RBM33: variants seen among roughly 807,000 people sequenced by gnomAD.
RBM33 encodes the protein RNA binding motif protein 33, also known as RNA-binding protein 33.
RBM33 carries 28 observed loss-of-function variants against 132.6 expected under a neutral mutation model. That is an observed-to-expected ratio of 0.21 (90% CI 0.16 to 0.29). The LOEUF is 0.29. Ranked by LOEUF, RBM33 falls within the 10% of genes least tolerant of loss-of-function variation. The pLI, the probability that RBM33 is intolerant of heterozygous loss-of-function variation, is 1.00. For missense variants in RBM33, 1,291 were observed against 1,518.5 expected (o/e 0.85, Z 2.49); for synonymous variants, 634 against 593.0 (o/e 1.07, Z -1.01).
chr7:155,714,599 G>A (rs1184263473), intron 8 of RBM33, among the ~76,000 whole-genome samples: 1 of 152,186 alleles, frequency 6.6e-6, no homozygotes, highest in Non-Finnish European at 1.5e-5. Flanking sequence ...GCAGCAGTTA[G>A]ATCAAGAAGG....
At chr7:155,664,843 A>AT (rs1405002063) in intron 1 of RBM33, among the ~76,000 whole-genome samples, 1 of 151,694 alleles carries the variant, frequency 6.6e-6, no homozygotes, top group Non-Finnish European at 1.5e-5. Context: ...AGCATGTCAC[A>AT]TTTTTTTTCT....
Position 155,680,761 on chromosome 7 carries a change from A to G in RBM33, c.420A>G (p.Gln140=), listed in dbSNP as rs75167605. Residue 140 remains glutamine (Q), a synonymous_variant, in exon 5 of 18, where the codon CAA becomes CAG. Coordinates refer to ENST00000401878, the MANE Select transcript of RBM33 (RefSeq NM_053043.3). ...CTGATGGATCAGAATTGTATACTCA[A>G]GAGTACCCAGAAGAAGGACAGTATG... ...HKSDGSELYT[Q]EYPEEGQYEG... is the part of the protein sequence containing the mutation. 36 of 1,613,734 alleles carry G rather than the reference A, an allele frequency of 2.2e-5. No homozygotes were observed. The highest frequency in any genetic ancestry group is 9.3e-5 in the African/African-American group (7 of 75,042).
chr7:155,735,055 G>GT (rs2117019178), intron 9 of RBM33, among the ~76,000 whole-genome samples: 1 of 152,230 alleles, frequency 6.6e-6, no homozygotes, highest in South Asian at 2.1e-4. Context: ...TGCAAACATC[G>GT]TAAGTTGGAC....
At chr7:155,673,940 G>GTTGTTGTTTGTTTTTTGTTTT in intron 3 of RBM33, among the ~76,000 whole-genome samples, 1 of 54,214 alleles carries the variant, frequency 1.8e-5, no homozygotes, top group Non-Finnish European at 3.2e-5. Context: ...TTTAGGCTTA[G>GTTGTTGTTTGTTTTTTGTTTT]TTTTTTTTTT....
At chr7:155,679,138 C>CT (rs1433425635) in intron 4 of RBM33, among the ~76,000 whole-genome samples, 1 of 152,064 alleles carries the variant, frequency 6.6e-6, no homozygotes, top group African/African-American at 2.4e-5. Context: ...TGCCACTGCA[C>CT]TCCAGCCTGG....
chr7:155,708,418 C>G (rs565241975), intron 7 of RBM33, among the ~76,000 whole-genome samples: 115 of 152,268 alleles, frequency 7.6e-4, no homozygotes, highest in Middle Eastern at 6.8e-3. Flanking sequence ...TGGCCTCTTT[C>G]GGGGCCAAAC....
rs1802562528 is a variant in RBM33 at position 155,775,141 on chromosome 7, C to T, written c.*100C>T. On this transcript the variant is annotated 3_prime_UTR_variant, in exon 18 of 18. Transcript: ENST00000401878. ...AGAACCCCCAGGAGCACAGGTCTCT[C>T]CGGGCCGCTGTCCTGCGTAACTGTT... is the stretch of plus-strand genomic sequence containing the variant. 1 of 1,046,210 alleles carries T rather than the reference C, an allele frequency of 9.6e-7. No homozygotes were observed. The highest frequency in any genetic ancestry group is 1.6e-5 in the African/African-American group (1 of 64,050). The allele number at this position is 1,046,210 out of a possible 1,614,324, so 64.8% of individuals were successfully genotyped here.
At position 155,673,663 on chromosome 7, in the gene RBM33, TATAC is replaced by T. The variant is rs1395674555; in HGVS notation, c.171+754_171+757del. On this transcript the variant is annotated intron_variant, in intron 3 of 17. Coordinates refer to ENST00000401878, the MANE Select transcript of RBM33 (RefSeq NM_053043.3). ...ATACACACGTGTATATATACACACA[TATAC>T]ATACACACGTGTATATATATACACA... Among the ~76,000 whole-genome samples, 7 of 119,992 alleles carry T rather than the reference TATAC, an allele frequency of 5.8e-5. 1 individual carries two copies. Among genetic ancestry groups the T allele is most frequent in the Admixed American group, 4.9e-4 (6 of 12,274 alleles). 78.7% of individuals were successfully genotyped at this position (119,992 alleles called of 152,430 possible).
chr7:155,660,249 G>GT (rs1436048382), intron 1 of RBM33, among the ~76,000 whole-genome samples: 1 of 152,070 alleles, frequency 6.6e-6, no homozygotes, highest in African/African-American at 2.4e-5. Flanking sequence ...AAGTTTTAAA[G>GT]TTTTTTGTAG....
rs754853348 is a variant in RBM33 at position 155,672,861 on chromosome 7, C to T, written c.123-6C>T. 2.6e-6 allele frequency: 4 copies of T among 1,539,054 alleles called. No individual in the cohort carries two copies. Among genetic ancestry groups the T allele is most frequent in the East Asian group, 4.9e-5 (2 of 40,766 alleles). ...TCATTGACATGTCTCTTTTTTTTCT[C>T]CCAAGTGAACTTGAAGATGATTTAC... On this transcript the variant is annotated splice_region_variant and splice_polypyrimidine_tract_variant and intron_variant, in intron 2 of 17. Coordinates refer to ENST00000401878, the MANE Select transcript of RBM33 (RefSeq NM_053043.3).
At position 155,706,972 on chromosome 7, in the gene RBM33, G is replaced by A. The variant is rs1800133732; in HGVS notation, c.852G>A (p.Met284Ile). Reference sequence around the variant, plus strand: ...GAGGACGGCGAGGAGGTCCGCTGATGTGTCGTGGTGTGGGGGACCAGAGGA... The same window carrying A: ...GAGGACGGCGAGGAGGTCCGCTGATATGTCGTGGTGTGGGGGACCAGAGGA... ...RRGGRRGGPL[M>I]CRGVGDQRRE... is the part of the protein sequence containing the mutation. Residue 284 changes from methionine (M) to isoleucine (I), a missense_variant, in exon 7 of 18, where the codon ATG becomes ATA. Met to Ile is a conservative substitution (Grantham distance 10). Around this residue, in one of 7 missense-constraint regions of RBM33, gnomAD observed 146 missense variants for 137.1 expected, o/e 1.07. Transcript: ENST00000401878. 6.3e-7 allele frequency: 1 copy of A among 1,598,122 alleles called. No individual in the cohort carries two copies. The highest frequency in any genetic ancestry group is 1.7e-4 in the Middle Eastern group (1 of 6,046).
intron 9 of RBM33, among the ~76,000 whole-genome samples, chr7:155,728,153 CT>C (rs1367428631): frequency 2.0e-5 from 3 of 152,174 alleles, no homozygotes; most frequent in African/African-American, 7.2e-5. Flanking sequence ...TATCTGCCCT[CT>C]TTTCTTATCC....
intron 3 of RBM33, among the ~76,000 whole-genome samples, chr7:155,676,231 G>T (rs1445703814): frequency 6.6e-6 from 1 of 152,206 alleles, no homozygotes; most frequent in Non-Finnish European, 1.5e-5. Flanking sequence ...CAAGAAGGTT[G>T]TTAGTGCTCA....
At chr7:155,754,471 G>A (rs1053446765) in intron 14 of RBM33, among the ~76,000 whole-genome samples, 15 of 152,314 alleles carry the variant, frequency 9.8e-5, no homozygotes, top group African/African-American at 3.6e-4. Flanking sequence ...GGACTGTGTG[G>A]CTGGAAGAGC....
intron 15 of RBM33, among the ~76,000 whole-genome samples, chr7:155,765,966 A>G (rs1427072035): frequency 6.6e-6 from 1 of 152,130 alleles, no homozygotes; most frequent in East Asian, 1.9e-4. Context: ...CAGGGTAGCA[A>G]ATGTAGTCTC....
chr7:155,755,902 CA>C (rs150518793), intron 14 of RBM33, among the ~76,000 whole-genome samples: 7 of 151,266 alleles, frequency 4.6e-5, no homozygotes, highest in African/African-American at 1.5e-4. Flanking sequence ...TATAAATATA[CA>C]AAAAAAACTA....
intron 5 of RBM33, among the ~76,000 whole-genome samples, chr7:155,681,115 G>C (rs1799326654): frequency 6.6e-6 from 1 of 152,168 alleles, no homozygotes; most frequent in Non-Finnish European, 1.5e-5. Context: ...TGTCATTCTG[G>C]AAGGCTGCAA....
chr7:155,774,136 A>G lies in RBM33; in HGVS notation c.3376-423A>G, dbSNP rs1802528543. Among the ~76,000 whole-genome samples, 1 of 152,200 alleles carries G rather than the reference A, an allele frequency of 6.6e-6. No homozygotes were observed. Among genetic ancestry groups the G allele is most frequent in the East Asian group, 1.9e-4 (1 of 5,198 alleles). ...CTACTGTGGGCTGTGGGGCCCCCAT[A>G]CTAAACAGTTTCCTCTGGTGTGATG... On this transcript the variant is annotated intron_variant, in intron 16 of 17. Coordinates refer to ENST00000401878, the MANE Select transcript of RBM33 (RefSeq NM_053043.3). This position sits in a 1 kb window ranked among gnomAD's most constrained non-coding sequence, Gnocchi z 4.2.
intron 3 of RBM33, among the ~76,000 whole-genome samples, chr7:155,674,083 G>A (rs187476073): frequency 2.0e-5 from 3 of 150,664 alleles, no homozygotes; most frequent in African/African-American, 7.3e-5. Context: ...GCCTGGCTTT[G>A]GCCTAACCCT....
Sources: allele counts gnomAD v4.1 joint callset (sites outside exome capture counted in the v4.1 genomes callset), GRCh38; gene constraint gnomAD v4.1.1; regional missense constraint gnomAD v4.1.1; non-coding constraint Gnocchi (gnomAD v3.1); transcripts MANE v1.5; gene names NCBI Gene and HGNC (gene_info 2026-07-23, HGNC 2026-07-21).